The following D2HGDH variants were observed in gnomAD, a reference collection of about 807,000 sequenced individuals.
D2HGDH encodes D-2-hydroxyglutarate dehydrogenase, mitochondrial.
D2HGDH carries 31 observed loss-of-function variants against 46.9 expected under a neutral mutation model. The observed-to-expected ratio is 0.66, with a 90% CI of 0.50 to 0.89. D2HGDH has a LOEUF of 0.89. Among genes scored for constraint, D2HGDH ranks in the 40% least tolerant of loss-of-function variants. D2HGDH has a pLI of 0.00. For missense variants in D2HGDH, 698 were observed against 720.8 expected (o/e 0.97, Z 0.36); for synonymous variants, 364 against 332.6 (o/e 1.09, Z -1.03).
chr2:241,744,313 TC>T (rs1457000052), intron 5 of D2HGDH, among the ~76,000 whole-genome samples: 4 of 152,246 alleles, frequency 2.6e-5, no homozygotes, highest in African/African-American at 9.6e-5. Context: ...AGCTTTTTTT[TC>T]TGGCCAGCCA....
chr2:241,747,973 G>A (rs557231576), intron 6 of D2HGDH, among the ~76,000 whole-genome samples: 50 of 152,170 alleles, frequency 3.3e-4, no homozygotes, highest in Non-Finnish European at 5.6e-4. Flanking sequence ...GGCCCTGTGG[G>A]GGTCTCCTGG....
chr2:241,752,617 A>C (rs930962404), intron 8 of D2HGDH, among the ~76,000 whole-genome samples: 19 of 152,142 alleles, frequency 1.2e-4, no homozygotes, highest in Non-Finnish European at 1.9e-4. Flanking sequence ...TTTTCCCAGC[A>C]GAAAGAGCAG....
At chr2:241,760,322 A>G (rs1369662297) in intron 9 of D2HGDH, among the ~76,000 whole-genome samples, 1 of 89,712 alleles carries the variant, frequency 1.1e-5, no homozygotes, top group African/African-American at 5.7e-5. Flanking sequence ...GCCTTACCCA[A>G]TCAGTCGAAG....
At chr2:241,757,661 G>C (rs991193817) in intron 9 of D2HGDH, among the ~76,000 whole-genome samples, 1 of 152,130 alleles carries the variant, frequency 6.6e-6, no homozygotes, top group Non-Finnish European at 1.5e-5. Flanking sequence ...CTGTTACTTT[G>C]TAAAAGCAAG....
At chr2:241,740,997 C>T (rs1156292780) in intron 2 of D2HGDH, 36 bp from the exon 3 acceptor site, 4 of 1,591,730 alleles carry the variant, frequency 2.5e-6, no homozygotes, top group South Asian at 1.1e-5. Context: ...TGCAGCTCCC[C>T]CCACGCTGTC....
At position 241,734,689 on chromosome 2, in the gene D2HGDH, A is replaced by G. The variant is rs7370843; in HGVS notation, c.-99A>G. The G allele has an allele frequency of 0.7, 106,376 of 151,422 alleles. 38,412 individuals are homozygous for G. The highest frequency in any genetic ancestry group is 0.86 in the African/African-American group (35,788 of 41,406). The allele number at this position is 151,422 out of a possible 1,614,324, so 9.4% of individuals were successfully genotyped here. A position where few individuals can be genotyped will look rare whatever the true frequency, so the allele number is the denominator to read the frequency against. On this transcript the variant is annotated 5_prime_UTR_variant, in exon 1 of 10. Transcript: ENST00000321264. ...GCTGCGGGTTGGAGCTCGGGACGTG[A>G]TCGTGGGTGCGTGCGCGCGGCCGCG...
chr2:241,768,115 C>T lies in D2HGDH; in HGVS notation c.*146C>T, dbSNP rs940639570. 4.0e-6 allele frequency: 5 copies of T among 1,242,676 alleles called. No individual in the cohort carries two copies. The highest frequency in any genetic ancestry group is 2.2e-6 in the Non-Finnish European group (2 of 923,020). 77.0% of individuals were successfully genotyped at this position (1,242,676 alleles called of 1,614,324 possible). A position where few individuals can be genotyped will look rare whatever the true frequency, so the allele number is the denominator to read the frequency against. ...GGGACTGGGAGCCCGCACTGGGGAA[C>T]TGCCGGACGCAGGCCCTCGGGCAGG... On this transcript the variant is annotated 3_prime_UTR_variant, in exon 10 of 10. Coordinates refer to ENST00000321264, the MANE Select transcript of D2HGDH (RefSeq NM_152783.5).
intron 8 of D2HGDH, chr2:241,754,949 G>A: frequency 8.8e-7 from 1 of 1,141,178 alleles, no homozygotes; most frequent in Non-Finnish European, 1.1e-6. Flanking sequence ...CTCTGGAGGG[G>A]CAGGTGCTGG....
intron 8 of D2HGDH, 97 bp from the exon 9 acceptor site, chr2:241,755,752 C>G: frequency 6.2e-7 from 1 of 1,608,738 alleles, no homozygotes; most frequent in Non-Finnish European, 8.5e-7. Context: ...GGTGAAGATA[C>G]AGAACATGCT....
In D2HGDH at chr2:241,768,411, G is replaced by A. The variant is rs991303643; in HGVS notation, c.*442G>A. ...GTGGGCAGCAGGGGGCGTGGGCAGC[G>A]GGGGCACGGGCAGGACCACGTGGGC... is the stretch of plus-strand genomic sequence containing the variant. On this transcript the variant is annotated 3_prime_UTR_variant, in exon 10 of 10. Coordinates refer to ENST00000321264, the MANE Select transcript of D2HGDH (RefSeq NM_152783.5). The A allele has an allele frequency of 3.1e-5, 6 of 190,694 alleles. No individual in the cohort carries two copies. The highest frequency in any genetic ancestry group is 5.5e-5 in the Non-Finnish European group (5 of 91,692). The allele number at this position is 190,694 out of a possible 1,614,324, so 11.8% of individuals were successfully genotyped here. A position where few individuals can be genotyped will look rare whatever the true frequency, so the allele number is the denominator to read the frequency against.
At chr2:241,753,607 T>A (rs1334982715) in intron 8 of D2HGDH, among the ~76,000 whole-genome samples, 1 of 152,184 alleles carries the variant, frequency 6.6e-6, no homozygotes. Context: ...GGGGGCCCTG[T>A]GTTCAACGGG....
rs376955745 is a variant in D2HGDH, at chr2:241,744,877, G to T, written c.853G>T (p.Gly285Cys). The change falls in exon 6 of 10, where the codon GGC (glycine) becomes TGC (cysteine). Residue 285 changes from glycine (G) to cysteine (C), a missense_variant and splice_region_variant. Physicochemically the swap from Gly to Cys is radical, Grantham distance 159 (BLOSUM62 -3). Coordinates refer to ENST00000321264, the MANE Select transcript of D2HGDH (RefSeq NM_152783.5). ...KPRAVNVAFL[G>C]CPGFAEVLQT... Reference sequence around the variant, plus strand: ...CAGGGCTGTGAACGTGGCTTTCCTCGGTGGGCTTCCTCGATGTGTGCCTTG... The same window carrying T: ...CAGGGCTGTGAACGTGGCTTTCCTCTGTGGGCTTCCTCGATGTGTGCCTTG... 3 of 1,614,020 alleles carry T rather than the reference G, an allele frequency of 1.9e-6. No individual in the cohort carries two copies. Among genetic ancestry groups the T allele is most frequent in the Middle Eastern group, 1.6e-4 (1 of 6,062 alleles).
chr2:241,763,490 G>A (rs1162291104), intron 9 of D2HGDH, among the ~76,000 whole-genome samples: 2 of 152,126 alleles, frequency 1.3e-5, no homozygotes, highest in African/African-American at 2.4e-5. Flanking sequence ...TTGCTCTGGC[G>A]AGGCAGTGGG....
At chr2:241,757,250 G>A (rs913386423) in intron 9 of D2HGDH, among the ~76,000 whole-genome samples, 1 of 152,182 alleles carries the variant, frequency 6.6e-6, no homozygotes, top group Non-Finnish European at 1.5e-5. Context: ...GCCTGTGGAG[G>A]GGTACATCTG....
chr2:241,767,987 G>T lies in D2HGDH; in HGVS notation c.*18G>T. ...AGGCCTGACGGCCACTCCTGCTGCT[G>T]CCAAGGCCCACTGGGGGTCGGCGGG... On this transcript the variant is annotated 3_prime_UTR_variant, in exon 10 of 10. Coordinates refer to ENST00000321264, the MANE Select transcript of D2HGDH (RefSeq NM_152783.5). 1 of 1,576,800 alleles carries T rather than the reference G, an allele frequency of 6.3e-7. No individual in the cohort carries two copies. The highest frequency in any genetic ancestry group is 8.6e-7 in the Non-Finnish European group (1 of 1,166,558).
chr2:241,755,695 C>T, intron 8 of D2HGDH, 154 bp from the exon 9 acceptor site: 6 of 1,560,888 alleles, frequency 3.8e-6, no homozygotes, highest in South Asian at 1.2e-5. Context: ...GGGGTTGGAG[C>T]CACACCTGGT....
In D2HGDH at chr2:241,764,010, C is replaced by A. The variant is rs1231683690; in HGVS notation, c.1307-3700C>A. ...AGTGTGAGCCACGATCACTCTACTG[C>A]CCTCCGGCCTGGGTGACAGAGGGAG... On this transcript the variant is annotated intron_variant, in intron 9 of 9. Transcript: ENST00000321264. Among the ~76,000 whole-genome samples, 4 of 152,240 alleles carry A rather than the reference C, an allele frequency of 2.6e-5. No individual in the cohort carries two copies. In the South Asian group the frequency reaches 8.3e-4, roughly 32 times the overall value.
chr2:241,745,191 GA>G (rs1695548093), intron 6 of D2HGDH, among the ~76,000 whole-genome samples: 1 of 152,208 alleles, frequency 6.6e-6, no homozygotes, highest in Non-Finnish European at 1.5e-5. Flanking sequence ...GAGTAAGGTT[GA>G]GGGACATGCT....
intron 8 of D2HGDH, chr2:241,755,233 C>T (rs1301680447): frequency 1.8e-6 from 2 of 1,115,952 alleles, no homozygotes; most frequent in Non-Finnish European, 2.4e-6. Context: ...GTGTCCTTCC[C>T]TCCCCCGTGG....
Sources: gnomAD v4.1 joint callset for allele counts (sites outside exome capture counted in the v4.1 genomes callset) on GRCh38, gnomAD v4.1.1 for gene constraint, MANE v1.5 for transcripts, NCBI Gene and HGNC (gene_info 2026-07-23, HGNC 2026-07-21) for gene names.